RBL1: variants seen among roughly 807,000 people sequenced by gnomAD.
RBL1 encodes the protein retinoblastoma-like protein 1.
In RBL1, 82 loss-of-function variants were observed where a neutral mutation model predicts 123.0. The observed-to-expected ratio is 0.67, with a 90% CI of 0.56 to 0.80. The LOEUF is 0.80. Ranked by LOEUF, RBL1 falls within the 30% of genes least tolerant of loss-of-function variation. The probability of loss-of-function intolerance (pLI) is 0.00; values close to 1 mark genes in which losing one functional copy is unlikely to be tolerated. For missense variants in RBL1, 1,171 were observed against 1,299.6 expected (o/e 0.90, Z 1.52); for synonymous variants, 405 against 441.3 (o/e 0.92, Z 1.03).
chr20:37,085,908 C>G (rs2065537851), intron 2 of RBL1, among the ~76,000 whole-genome samples: 1 of 151,966 alleles, frequency 6.6e-6, no homozygotes, highest in South Asian at 2.1e-4. Context: ...CTTGGTCTCC[C>G]AAAGTGCTGG....
At chr20:37,011,686 C>T (rs760306964) in intron 19 of RBL1, among the ~76,000 whole-genome samples, 4 of 152,054 alleles carry the variant, frequency 2.6e-5, no homozygotes, top group South Asian at 2.1e-4. Context: ...CTGCCCGCCT[C>T]GGTCTCCCAA....
At chr20:37,014,860 C>A (rs2064224672) in intron 19 of RBL1, among the ~76,000 whole-genome samples, 1 of 152,052 alleles carries the variant, frequency 6.6e-6, no homozygotes, top group South Asian at 2.1e-4. Context: ...ATCAGGAGTT[C>A]AAGACCAGCC....
At chr20:37,062,022 GTAGAA>G in intron 8 of RBL1, 57 bp downstream of exon 8, 1 of 1,450,096 alleles carries the variant, frequency 6.9e-7, no homozygotes. Context: ...TCTGCTGTTA[GTAGAA>G]TCACACACAG....
At chr20:37,061,290 G>C (rs201319518) in intron 8 of RBL1, 21 bp from the exon 9 acceptor site, 1 of 1,603,130 alleles carries the variant, frequency 6.2e-7, no homozygotes, top group African/African-American at 1.3e-5. Context: ...AGAAAAATCC[G>C]TGAGTTTTTA....
At chr20:37,059,721 C>G (rs2146291833) in intron 9 of RBL1, among the ~76,000 whole-genome samples, 1 of 152,224 alleles carries the variant, frequency 6.6e-6, no homozygotes, top group African/African-American at 2.4e-5. Flanking sequence ...TCATATCTCT[C>G]TCCTCATTTG....
At chr20:37,031,088 A>T (rs2064504613) in intron 16 of RBL1, among the ~76,000 whole-genome samples, 1 of 152,102 alleles carries the variant, frequency 6.6e-6, no homozygotes, top group Admixed American at 6.6e-5. Context: ...AAAAACTATA[A>T]AACTCTTAGA....
chr20:37,065,905 C>T lies in RBL1; in HGVS notation c.847-432G>A, dbSNP rs145447485. 1.5e-4 allele frequency among the ~76,000 whole-genome samples: 23 copies of T among 152,278 alleles called. No individual in the cohort carries two copies. The East Asian group carries it at 4.4e-3, about 29-fold the overall frequency. ...TTGGGATTACAGGCGTGAGCCACCGCGCCCAGTCCCTGGGATCCTTTAAAA... is the reference window on the plus strand; with the variant it reads ...TTGGGATTACAGGCGTGAGCCACCGTGCCCAGTCCCTGGGATCCTTTAAAA... On this transcript the variant is annotated intron_variant, in intron 6 of 21. Coordinates refer to ENST00000373664, the MANE Select transcript of RBL1 (RefSeq NM_002895.5).
At chr20:37,033,827 G>A (rs1422150170) in intron 15 of RBL1, among the ~76,000 whole-genome samples, 2 of 151,860 alleles carry the variant, frequency 1.3e-5, no homozygotes, top group Non-Finnish European at 2.9e-5. Flanking sequence ...ACGTTGGCCA[G>A]GCTGGTCTCA....
In RBL1 at chr20:37,066,851, G is replaced by T; in HGVS notation, c.719C>A (p.Thr240Lys). 2 of 1,613,764 alleles carry T rather than the reference G, an allele frequency of 1.2e-6. No homozygotes were observed. The highest frequency in any genetic ancestry group is 1.7e-6 in the Non-Finnish European group (2 of 1,179,870). Residue 240 changes from threonine to lysine, a missense_variant, in exon 6 of 22, where the codon ACG becomes AAG. Physicochemically the swap from Thr to Lys is moderately conservative, Grantham distance 78. Transcript: ENST00000373664. ...GATGCAGGGTGGCTCTTCAGAAGCCGTAAAGTCAGCAGTATGAAAATCAGA... is the reference window on the plus strand; with the variant it reads ...GATGCAGGGTGGCTCTTCAGAAGCCTTAAAGTCAGCAGTATGAAAATCAGA... ...LPSDFHTADF[T>K]ASEEPPCIIA...
chr20:37,035,152 A>T, intron 15 of RBL1, 90 bp downstream of exon 15: 1 of 1,258,082 alleles, frequency 7.9e-7, no homozygotes, highest in Non-Finnish European at 1.1e-6. Flanking sequence ...AAAAATAATG[A>T]GTTAGAAAAA....
chr20:37,008,135 C>T (rs1454856621), intron 19 of RBL1, among the ~76,000 whole-genome samples: 1 of 152,182 alleles, frequency 6.6e-6, no homozygotes, highest in East Asian at 1.9e-4. Flanking sequence ...CTCACTGTCA[C>T]TAGTGGCTCT....
At chr20:37,092,314 T>A (rs1435778199) in intron 1 of RBL1, among the ~76,000 whole-genome samples, 1 of 152,218 alleles carries the variant, frequency 6.6e-6, no homozygotes, top group Non-Finnish European at 1.5e-5. Flanking sequence ...TCGATTTTTT[T>A]AAAGACATTA....
intron 9 of RBL1, among the ~76,000 whole-genome samples, chr20:37,057,358 C>T (rs569393899): frequency 5.9e-5 from 9 of 152,290 alleles, no homozygotes; most frequent in African/African-American, 1.9e-4. Flanking sequence ...TTCTTACCAA[C>T]ACCTGCTATT....
chr20:37,074,552 T>C (rs2065333942), intron 2 of RBL1, among the ~76,000 whole-genome samples: 2 of 151,608 alleles, frequency 1.3e-5, no homozygotes, highest in South Asian at 4.2e-4. Flanking sequence ...ATAAAAAAGA[T>C]GGATAACAAG....
chr20:37,069,686 C>A (rs1209060100), intron 2 of RBL1, among the ~76,000 whole-genome samples: 1 of 151,734 alleles, frequency 6.6e-6, no homozygotes, highest in East Asian at 1.9e-4. Context: ...GCCCGACAGC[C>A]ACCCAGTCTG....
intron 9 of RBL1, among the ~76,000 whole-genome samples, chr20:37,060,383 T>C (rs1463358560): frequency 6.6e-6 from 1 of 152,078 alleles, no homozygotes; most frequent in Non-Finnish European, 1.5e-5. Context: ...CATGCATAAC[T>C]CAGGGGTAGT....
At chr20:37,066,922 A>G in intron 5 of RBL1, 38 bp from the exon 6 acceptor site, 1 of 1,598,340 alleles carries the variant, frequency 6.3e-7, no homozygotes, top group Non-Finnish European at 8.5e-7. Context: ...GGGAAAAAAA[A>G]ATAGTCAACT....
chr20:37,054,754 C>G (rs947865947), intron 11 of RBL1, among the ~76,000 whole-genome samples: 2 of 151,738 alleles, frequency 1.3e-5, no homozygotes, highest in Admixed American at 1.3e-4. Context: ...CACCTGAACC[C>G]AGGAGATGGA....
At chr20:37,046,786 T>A (rs1444588666) in intron 12 of RBL1, among the ~76,000 whole-genome samples, 2 of 151,940 alleles carry the variant, frequency 1.3e-5, no homozygotes, top group East Asian at 3.9e-4. Context: ...TTTTTTTTGG[T>A]ATTTTTAGTA....
Sources: gnomAD v4.1 joint callset for allele counts (sites outside exome capture counted in the v4.1 genomes callset) on GRCh38, gnomAD v4.1.1 for gene constraint, MANE v1.5 for transcripts, NCBI Gene and HGNC (gene_info 2026-07-23, HGNC 2026-07-21) for gene names.